The following ZSCAN25 variants were observed in gnomAD, a reference collection of about 807,000 sequenced individuals.
ZSCAN25 encodes zinc finger and SCAN domain-containing protein 25.
ZSCAN25 carries 27 observed loss-of-function variants against 38.7 expected under a neutral mutation model. The ratio of observed to expected loss-of-function variants is 0.70; its 90% CI spans 0.51 to 0.96. The LOEUF (loss-of-function observed/expected upper bound fraction) is 0.96, where lower values mean the gene tolerates loss of function less well. Ranked by LOEUF, ZSCAN25 falls within the 40% of genes least tolerant of loss-of-function variation. The pLI, the probability that ZSCAN25 is intolerant of heterozygous loss-of-function variation, is 0.00. For synonymous variants in ZSCAN25, 273 were observed against 277.7 expected, an observed-to-expected ratio of 0.98 and a Z score of 0.17; for missense variants, 637 against 705.9, an observed-to-expected ratio of 0.90 and a Z score of 1.11.
At chr7:99,733,394 T>C in the ZSCAN25 span, among the ~76,000 whole-genome samples, 2 of 152,168 alleles carry the variant, frequency 1.3e-5, no homozygotes, top group Non-Finnish European at 2.9e-5. Context: ...AGCTCCCCTC[T>C]GTTTGGTAGA....
chr7:99,678,930 A>G, the ZSCAN25 span, among the ~76,000 whole-genome samples: 1 of 152,246 alleles, frequency 6.6e-6, no homozygotes, highest in Non-Finnish European at 1.5e-5. Context: ...CTAGGATGCC[A>G]GGAATCCCAC....
rs1229625504 is a variant in ZSCAN25 at position 99,618,137 on chromosome 7, T to C, written c.-258-388T>C. 4 of 152,218 alleles carry C rather than the reference T, an allele frequency of 2.6e-5. No individual in the cohort carries two copies. In the East Asian group the frequency reaches 7.7e-4, roughly 29 times the overall value. 9.4% of individuals were successfully genotyped at this position (152,218 alleles called of 1,614,324 possible). ...TCTTTCCGTTTTCTGACAAGCAGGATCTCCTTCCCCTGGTGCTTTGGACTT... is the reference window on the plus strand; with the variant it reads ...TCTTTCCGTTTTCTGACAAGCAGGACCTCCTTCCCCTGGTGCTTTGGACTT... On this transcript the variant is annotated intron_variant, in intron 1 of 7. Transcript: ENST00000394152.
the ZSCAN25 span, chr7:99,711,019 T>A: frequency 6.7e-7 from 1 of 1,484,916 alleles, no homozygotes; most frequent in Non-Finnish European, 9.1e-7. Context: ...ATTCAGAGTC[T>A]CACTGGGGGT....
intron 7 of ZSCAN25, among the ~76,000 whole-genome samples, chr7:99,625,843 C>T (rs997002234): frequency 2.6e-5 from 4 of 152,334 alleles, no homozygotes; most frequent in African/African-American, 9.6e-5. Flanking sequence ...AACTCAAGCC[C>T]ATACCTGAAC....
At chr7:99,690,831 T>A in the ZSCAN25 span, among the ~76,000 whole-genome samples, 1 of 152,270 alleles carries the variant, frequency 6.6e-6, no homozygotes, top group Middle Eastern at 3.4e-3. Context: ...AGGAACACTT[T>A]TACACTGTTG....
the ZSCAN25 span, among the ~76,000 whole-genome samples, chr7:99,712,344 T>C: frequency 1.3e-5 from 2 of 152,228 alleles, no homozygotes; most frequent in East Asian, 3.8e-4. Context: ...AACCTGATGA[T>C]ACTGATGTGA....
chr7:99,647,501 A>T, the ZSCAN25 span: 3 of 985,432 alleles, frequency 3.0e-6, no homozygotes, highest in Non-Finnish European at 3.6e-6. Flanking sequence ...TTGGGAGGTG[A>T]AGATGGAATG....
the ZSCAN25 span, chr7:99,731,074 A>C: frequency 6.2e-7 from 1 of 1,613,766 alleles, no homozygotes; most frequent in Non-Finnish European, 8.5e-7. Context: ...GGAAGGACAA[A>C]GCATTTCCCA....
At chr7:99,673,569 A>G in the ZSCAN25 span, among the ~76,000 whole-genome samples, 3 of 152,258 alleles carry the variant, frequency 2.0e-5, no homozygotes, top group Non-Finnish European at 4.4e-5. Flanking sequence ...AAAAAATTCC[A>G]TACTTGCAGA....
chr7:99,691,669 G>T, the ZSCAN25 span, among the ~76,000 whole-genome samples: 37 of 152,026 alleles, frequency 2.4e-4, no homozygotes, highest in African/African-American at 8.2e-4. Flanking sequence ...TGTCTTTTTT[G>T]ATCTTTGTTG....
chr7:99,733,009 T>C, the ZSCAN25 span, among the ~76,000 whole-genome samples: 1 of 152,096 alleles, frequency 6.6e-6, no homozygotes, highest in Non-Finnish European at 1.5e-5. Context: ...TGTGGTAAAA[T>C]ACAACTAAGA....
At chr7:99,679,920 G>C in the ZSCAN25 span, 14 of 1,607,182 alleles carry the variant, frequency 8.7e-6, no homozygotes, top group African/African-American at 2.7e-5. Context: ...CTTCAACTGT[G>C]TTCTGTGAGT....
Position 99,631,017 on chromosome 7 carries a change from C to T in ZSCAN25, c.*997C>T. The stretch of plus-strand genomic sequence containing the variant: ...GTATTTATTGAGGCCCTGTAACAAA[C>T]ATGTCAGGAACTCTTCTGGGTGCTT... On this transcript the variant is annotated 3_prime_UTR_variant, in exon 8 of 8. Coordinates refer to ENST00000394152, the MANE Select transcript of ZSCAN25 (RefSeq NM_145115.3). The T allele has an allele frequency of 2.1e-6, 2 of 955,460 alleles. No homozygotes were observed. Among genetic ancestry groups the T allele is most frequent in the Non-Finnish European group, 2.5e-6 (2 of 802,822 alleles). 59.2% of individuals were successfully genotyped at this position (955,460 alleles called of 1,614,324 possible). A position where few individuals can be genotyped will look rare whatever the true frequency, so the allele number is the denominator to read the frequency against.
intron 5 of ZSCAN25, 62 bp downstream of exon 5, chr7:99,621,636 C>G (rs1034051482): frequency 7.2e-6 from 9 of 1,251,646 alleles, no homozygotes; most frequent in African/African-American, 4.6e-5. Flanking sequence ...GCAGCCAACT[C>G]TCTTCAGAAA....
At chr7:99,685,027 C>T in the ZSCAN25 span, 1 of 759,416 alleles carries the variant, frequency 1.3e-6, no homozygotes, top group South Asian at 1.6e-5. Context: ...TTATGCAGTA[C>T]AGTGGATGAA....
At chr7:99,648,954 A>G in the ZSCAN25 span, among the ~76,000 whole-genome samples, 1 of 152,200 alleles carries the variant, frequency 6.6e-6, no homozygotes, top group African/African-American at 2.4e-5. Flanking sequence ...CTTGGCTTCC[A>G]AGCGTAGTGC....
chr7:99,695,875 G>T, the ZSCAN25 span: 1 of 1,586,384 alleles, frequency 6.3e-7, no homozygotes, highest in Non-Finnish European at 8.6e-7. Flanking sequence ...CTCAGGGATT[G>T]TGACTTTATA....
At chr7:99,733,053 C>T in the ZSCAN25 span, among the ~76,000 whole-genome samples, 22 of 152,294 alleles carry the variant, frequency 1.4e-4, no homozygotes, top group African/African-American at 1.9e-4. Flanking sequence ...GAGAACCCAG[C>T]AGAGACAGCA....
At chr7:99,621,310 C>A in intron 4 of ZSCAN25, 63 bp from the exon 5 acceptor site, 2 of 1,285,626 alleles carry the variant, frequency 1.6e-6, no homozygotes, top group South Asian at 6.2e-5. Context: ...GATTTTAGTT[C>A]AACTCCCTTC....
Sources: allele counts gnomAD v4.1 joint callset (sites outside exome capture counted in the v4.1 genomes callset), GRCh38; gene constraint gnomAD v4.1.1; transcripts MANE v1.5; gene names NCBI Gene and HGNC (gene_info 2026-07-23, HGNC 2026-07-21).